COMMD1: variants seen among roughly 807,000 people sequenced by gnomAD.
COMMD1 encodes the protein copper metabolism domain containing 1, also known as COMM domain-containing protein 1.
COMMD1 carries 10 observed loss-of-function variants against 17.2 expected under a neutral mutation model. The ratio of observed to expected loss-of-function variants is 0.58; its 90% CI spans 0.36 to 0.99. The LOEUF (loss-of-function observed/expected upper bound fraction) is 0.99. COMMD1 is among the 50% of genes least tolerant of loss of function. The pLI is 0.01. For synonymous variants in COMMD1, 97 were observed against 91.6 expected (o/e 1.06, Z -0.34); for missense variants, 270 against 231.8 (o/e 1.17, Z -1.07).
At chr2:62,029,094 A>G (rs1449201989) in intron 2 of COMMD1, among the ~76,000 whole-genome samples, 2 of 152,244 alleles carry the variant, frequency 1.3e-5, no homozygotes, top group Non-Finnish European at 2.9e-5. Flanking sequence ...AGATTCATAT[A>G]TATGAGATAC....
chr2:62,017,943 C>T (rs1316087830), intron 2 of COMMD1, among the ~76,000 whole-genome samples: 1 of 150,596 alleles, frequency 6.6e-6, no homozygotes, highest in Admixed American at 6.6e-5. Context: ...ACTTGGGAGG[C>T]TGAGATAGGA....
intron 1 of COMMD1, among the ~76,000 whole-genome samples, chr2:61,962,789 A>G (rs1449287868): frequency 6.6e-6 from 1 of 152,106 alleles, no homozygotes; most frequent in Admixed American, 6.6e-5. Context: ...GAAGCTTCAC[A>G]TTTGGGCCCC....
chr2:61,970,778 A>C (rs142487985), intron 1 of COMMD1, among the ~76,000 whole-genome samples: 3 of 152,190 alleles, frequency 2.0e-5, no homozygotes, highest in Non-Finnish European at 2.9e-5. Flanking sequence ...TTGTATTTGG[A>C]TCAATAAGAT....
At position 61,924,624 on chromosome 2, in the gene COMMD1, GAGT is replaced by G. The variant is rs1443947747; in HGVS notation, c.180+18767_180+18769del. On this transcript the variant is annotated intron_variant, in intron 1 of 2. Transcript: ENST00000311832. The stretch of plus-strand genomic sequence containing the variant: ...TGACAGAGGGAAGGGCAGTTACAGT[GAGT>G]GAAGAAAGCCTGAACATAAGGAATC... Among the ~76,000 whole-genome samples the G allele has an allele frequency of 6.6e-5, 10 of 152,290 alleles. No homozygotes were observed. In the South Asian group the frequency reaches 2.1e-3, roughly 32 times the overall value.
chr2:62,087,359 T>C (rs1183799611), intron 2 of COMMD1, among the ~76,000 whole-genome samples: 1 of 152,202 alleles, frequency 6.6e-6, no homozygotes, highest in Non-Finnish European at 1.5e-5. Flanking sequence ...CAAATCCTCA[T>C]ATTAGAAAAC....
intron 2 of COMMD1, among the ~76,000 whole-genome samples, chr2:62,024,455 A>G (rs543839136): frequency 3.9e-5 from 6 of 152,242 alleles, no homozygotes; most frequent in Non-Finnish European, 4.4e-5. Context: ...GTAGAGTAGT[A>G]TACTATATAT....
At chr2:62,015,186 C>A (rs775435010) in intron 2 of COMMD1, among the ~76,000 whole-genome samples, 1 of 152,186 alleles carries the variant, frequency 6.6e-6, no homozygotes, top group Non-Finnish European at 1.5e-5. Context: ...TTCCCAATTT[C>A]CATCTCTTCA....
intron 2 of COMMD1, among the ~76,000 whole-genome samples, chr2:62,060,331 C>T (rs1017112554): frequency 1.3e-5 from 2 of 151,858 alleles, no homozygotes; most frequent in African/African-American, 4.8e-5. Flanking sequence ...ATGCTGTCTC[C>T]AAAAATAAAT....
At chr2:62,094,737 C>CT (rs147060197) in intron 2 of COMMD1, among the ~76,000 whole-genome samples, 5,260 of 152,188 alleles carry the variant, frequency 0.035, 150 homozygotes, top group East Asian at 0.083. Flanking sequence ...TTCTGCTCAG[C>CT]TTTGAGTTTA....
At chr2:62,037,181 C>A (rs1670062135) in intron 2 of COMMD1, among the ~76,000 whole-genome samples, 1 of 152,206 alleles carries the variant, frequency 6.6e-6, no homozygotes, top group Admixed American at 6.5e-5. Context: ...TTTGGAGAGG[C>A]TTGTCTGGCT....
chr2:61,978,853 A>G (rs2103746031), intron 1 of COMMD1, among the ~76,000 whole-genome samples: 1 of 152,278 alleles, frequency 6.6e-6, no homozygotes, highest in Admixed American at 6.5e-5. Context: ...TTCTGCTATA[A>G]TTTTTTAAAA....
chr2:62,026,911 CATT>C (rs1669773807), intron 2 of COMMD1, among the ~76,000 whole-genome samples: 1 of 152,160 alleles, frequency 6.6e-6, no homozygotes, highest in Non-Finnish European at 1.5e-5. Context: ...TATCTAATAT[CATT>C]GTAACTTATG....
At chr2:62,054,443 C>G (rs921660375) in intron 2 of COMMD1, among the ~76,000 whole-genome samples, 1 of 152,174 alleles carries the variant, frequency 6.6e-6, no homozygotes, top group African/African-American at 2.4e-5. Flanking sequence ...TGGAATCAAT[C>G]TAAGTGTGCA....
In COMMD1 at chr2:62,100,749, A is replaced by C. The variant is rs146415345; in HGVS notation, c.463-35082A>C. 6.7e-3 allele frequency among the ~76,000 whole-genome samples: 1,017 copies of C among 152,272 alleles called. 14 individuals carry two copies. The highest frequency in any genetic ancestry group is 0.023 in the African/African-American group (958 of 41,540). On this transcript the variant is annotated intron_variant, in intron 2 of 2. Transcript: ENST00000311832. ...AGCTGCCCTCAGAGACAATAGATGA[A>C]AAATATTTCCTATTCGGATCTTTAA...
At chr2:62,080,804 C>T (rs1455969133) in intron 2 of COMMD1, among the ~76,000 whole-genome samples, 3 of 143,326 alleles carry the variant, frequency 2.1e-5, no homozygotes, top group East Asian at 2.0e-4. Flanking sequence ...TTTTTTTTTA[C>T]CAAAATTGGC....
intron 1 of COMMD1, among the ~76,000 whole-genome samples, chr2:61,889,822 C>T (rs1350987993): frequency 6.6e-6 from 1 of 152,022 alleles, no homozygotes; most frequent in Middle Eastern, 3.2e-3. Context: ...TCTTAGGGAA[C>T]GTAAACATTA....
chr2:62,105,799 G>C (rs1672312421), intron 2 of COMMD1, among the ~76,000 whole-genome samples: 1 of 152,172 alleles, frequency 6.6e-6, no homozygotes, highest in Admixed American at 6.5e-5. Context: ...TTCCAGCTTG[G>C]GTGACAAGAG....
intron 1 of COMMD1, among the ~76,000 whole-genome samples, chr2:61,942,462 A>T (rs1434302200): frequency 2.0e-5 from 3 of 148,528 alleles, no homozygotes; most frequent in African/African-American, 7.5e-5. Context: ...CCCAGGCTGG[A>T]GTGCAGTGGC....
At chr2:62,123,781 C>T (rs1672818080) in intron 2 of COMMD1, among the ~76,000 whole-genome samples, 1 of 151,886 alleles carries the variant, frequency 6.6e-6, no homozygotes, top group South Asian at 2.1e-4. Flanking sequence ...TTAAGGCAGA[C>T]TACATGGTTC....
Sources: allele counts gnomAD v4.1 joint callset (sites outside exome capture counted in the v4.1 genomes callset), GRCh38; gene constraint gnomAD v4.1.1; transcripts MANE v1.5; gene names NCBI Gene and HGNC (gene_info 2026-07-23, HGNC 2026-07-21).